The following VWA3B variants were observed in gnomAD, a reference collection of about 807,000 sequenced individuals.
VWA3B encodes the protein von Willebrand factor A domain-containing protein 3B.
In VWA3B, 138 loss-of-function variants were observed where a neutral mutation model predicts 158.3. The ratio of observed to expected loss-of-function variants is 0.87; its 90% CI spans 0.76 to 1.00. The LOEUF is 1.00. VWA3B is among the 50% of genes least tolerant of loss of function. The pLI, the probability that VWA3B is intolerant of heterozygous loss-of-function variation, is 0.00. For synonymous variants in VWA3B, 596 were observed against 587.3 expected (o/e 1.01, Z -0.21); for missense variants, 1,555 against 1,565.1 (o/e 0.99, Z 0.11).
At chr2:98,206,513 C>T in intron 12 of VWA3B, 1 of 481,068 alleles carries the variant, frequency 2.1e-6, no homozygotes, top group South Asian at 1.9e-5. Context: ...GTTTAGAGGC[C>T]AGAAAGTCCT....
rs543389330 is a variant in VWA3B, at chr2:98,216,391, A to G, written c.1837-1455A>G. On this transcript the variant is annotated intron_variant, in intron 13 of 27. Transcript: ENST00000477737. Reference sequence around the variant, plus strand: ...GGGCTGGTCTGGACTGGAATCAAGAAAATGGACATGATAAAGGCATGTGCA... The same window carrying G: ...GGGCTGGTCTGGACTGGAATCAAGAGAATGGACATGATAAAGGCATGTGCA... Among the ~76,000 whole-genome samples, 6 of 152,354 alleles carry G rather than the reference A, an allele frequency of 3.9e-5. No homozygotes were observed. The East Asian group carries it at 1.2e-3, about 29-fold the overall frequency.
Position 98,093,219 on chromosome 2 carries a change from CATGGG to C in VWA3B, c.128_132del (p.His43ProfsTer2), listed in dbSNP as rs1682475585. The C allele has an allele frequency of 1.2e-6, 2 of 1,614,038 alleles. No homozygotes were observed. Among genetic ancestry groups the C allele is most frequent in the Non-Finnish European group, 8.5e-7 (1 of 1,180,030 alleles). ...TTCATCTGAGAAATGGCTTCAACTG[CATGGG>C]CTTAAGAGCAACAAATTGACCTTGA... On this transcript the variant is annotated frameshift_variant, in exon 2 of 28. Coordinates refer to ENST00000477737, the MANE Select transcript of VWA3B (RefSeq NM_144992.5). LOFTEE classifies it high-confidence loss of function.
intron 1 of VWA3B, among the ~76,000 whole-genome samples, chr2:98,092,816 G>GTA (rs70940110): frequency 0.12 from 6,213 of 50,818 alleles, 635 homozygotes; most frequent in Non-Finnish European, 0.15. Context: ...AGATGTTTTT[G>GTA]TATATATATA....
chr2:98,243,338 A>ATTTT (rs372807114), intron 19 of VWA3B, among the ~76,000 whole-genome samples: 6 of 149,900 alleles, frequency 4.0e-5, no homozygotes, highest in Non-Finnish European at 8.9e-5. Flanking sequence ...GTGAGATGTA[A>ATTTT]TTTTTTTTTT....
chr2:98,241,858 T>C (rs1434138193), intron 19 of VWA3B, among the ~76,000 whole-genome samples: 2 of 152,128 alleles, frequency 1.3e-5, no homozygotes, highest in African/African-American at 4.8e-5. Flanking sequence ...ATGACAGGCA[T>C]ATACTGCAGT....
chr2:98,163,786 A>T (rs1055080276), intron 8 of VWA3B, among the ~76,000 whole-genome samples: 2 of 152,158 alleles, frequency 1.3e-5, no homozygotes, highest in African/African-American at 4.8e-5. Flanking sequence ...GGCCAGTGTG[A>T]TCAGATGTCG....
chr2:98,310,634 G>A (rs1409980461), intron 26 of VWA3B, among the ~76,000 whole-genome samples: 3 of 152,182 alleles, frequency 2.0e-5, no homozygotes, highest in Non-Finnish European at 4.4e-5. Context: ...GTAACCTGAT[G>A]GATAAGATTT....
intron 9 of VWA3B, 135 bp downstream of exon 9, chr2:98,181,347 G>T (rs1189884423): frequency 5.3e-6 from 5 of 942,336 alleles, no homozygotes; most frequent in South Asian, 5.1e-5. Flanking sequence ...GAAGAACAGG[G>T]TTCCTCTGTT....
chr2:98,270,084 G>A (rs1381363690), intron 21 of VWA3B, among the ~76,000 whole-genome samples: 1 of 151,714 alleles, frequency 6.6e-6, no homozygotes, highest in Non-Finnish European at 1.5e-5. Context: ...CACCACACTA[G>A]CTTCCCCTGG....
intron 7 of VWA3B, among the ~76,000 whole-genome samples, chr2:98,140,929 G>C (rs1676733270): frequency 6.6e-6 from 1 of 152,138 alleles, no homozygotes; most frequent in South Asian, 2.1e-4. Flanking sequence ...AGTTTCCCCT[G>C]TCCACAGTCT....
chr2:98,265,081 C>T (rs2202384), intron 21 of VWA3B, among the ~76,000 whole-genome samples: 62,543 of 150,088 alleles, frequency 0.42, 13,441 homozygotes, highest in Admixed American at 0.47. Context: ...TTAGGGTACA[C>T]GTGCACATTG....
At chr2:98,186,357 T>C (rs886905226) in intron 9 of VWA3B, among the ~76,000 whole-genome samples, 8 of 151,868 alleles carry the variant, frequency 5.3e-5, no homozygotes, top group Non-Finnish European at 1.2e-4. Flanking sequence ...TGGCTTTTAA[T>C]CCCCTGTGCA....
At chr2:98,089,465 G>GAGCC (rs976395968) in intron 1 of VWA3B, among the ~76,000 whole-genome samples, 5 of 151,484 alleles carry the variant, frequency 3.3e-5, no homozygotes, top group African/African-American at 1.2e-4. Context: ...CTGCATAGGA[G>GAGCC]AGCCGTCTGA....
chr2:98,187,338 T>C (rs1333442400), intron 9 of VWA3B, among the ~76,000 whole-genome samples: 1 of 152,122 alleles, frequency 6.6e-6, no homozygotes, highest in East Asian at 1.9e-4. Flanking sequence ...TCCTGGTGTC[T>C]TAGAAGGTCT....
At chr2:98,214,538 T>G (rs1198320012) in intron 13 of VWA3B, among the ~76,000 whole-genome samples, 1 of 152,316 alleles carries the variant, frequency 6.6e-6, no homozygotes, top group East Asian at 1.9e-4. Flanking sequence ...CTAGTTTTTT[T>G]GTATCTCCTT....
At chr2:98,198,112 A>G (rs755297426) in intron 12 of VWA3B, among the ~76,000 whole-genome samples, 6 of 152,078 alleles carry the variant, frequency 3.9e-5, no homozygotes, top group Non-Finnish European at 7.4e-5. Flanking sequence ...GTCTGTATTT[A>G]TATTAAATAA....
intron 2 of VWA3B, among the ~76,000 whole-genome samples, chr2:98,109,664 T>C (rs1353140665): frequency 6.6e-6 from 1 of 152,170 alleles, no homozygotes; most frequent in African/African-American, 2.4e-5. Context: ...TTAGAGAAGT[T>C]CTTTTATTCT....
intron 22 of VWA3B, among the ~76,000 whole-genome samples, chr2:98,289,290 G>C (rs115719823): frequency 0.021 from 3,196 of 152,194 alleles, 109 homozygotes; most frequent in African/African-American, 0.072. Context: ...ACTTCCTGCT[G>C]TCTGTGACTT....
intron 16 of VWA3B, among the ~76,000 whole-genome samples, chr2:98,232,642 A>G (rs149913609): frequency 1.3e-5 from 2 of 152,128 alleles, no homozygotes; most frequent in African/African-American, 2.4e-5. Context: ...TCTGCATCTC[A>G]TTTAAGTATT....
Sources: allele counts gnomAD v4.1 joint callset (sites outside exome capture counted in the v4.1 genomes callset), GRCh38; gene constraint gnomAD v4.1.1; transcripts MANE v1.5; gene names NCBI Gene and HGNC (gene_info 2026-07-23, HGNC 2026-07-21).